SPOCK3: variants seen among roughly 807,000 people sequenced by gnomAD.
SPOCK3 encodes SPARC (osteonectin), cwcv and kazal like domains proteoglycan 3.
Under a neutral mutation model 56.6 loss-of-function variants are expected in SPOCK3, and 30 were observed. The ratio of observed to expected loss-of-function variants is 0.53; its 90% CI spans 0.40 to 0.72. The LOEUF is 0.72. Among genes scored for constraint, SPOCK3 ranks in the 30% least tolerant of loss-of-function variants. SPOCK3 has a pLI of 0.00. For synonymous variants in SPOCK3, 196 were observed against 183.3 expected (o/e 1.07, Z -0.56); for missense variants, 527 against 530.0 (o/e 0.99, Z 0.06).
At chr4:166,808,951 C>A (rs1743476525) in intron 6 of SPOCK3, among the ~76,000 whole-genome samples, 1 of 151,902 alleles carries the variant, frequency 6.6e-6, no homozygotes, top group African/African-American at 2.4e-5. Flanking sequence ...AGACTGATTT[C>A]AATGATCTTT....
chr4:167,131,494 T>C (rs752729841), intron 2 of SPOCK3, among the ~76,000 whole-genome samples: 7 of 152,050 alleles, frequency 4.6e-5, no homozygotes, highest in Non-Finnish European at 2.9e-5. Flanking sequence ...TCCCAGCTAC[T>C]TGGGAGGCTG....
At chr4:166,989,398 T>C (rs1425075529) in intron 4 of SPOCK3, among the ~76,000 whole-genome samples, 2 of 152,108 alleles carry the variant, frequency 1.3e-5, no homozygotes, top group East Asian at 1.9e-4. Context: ...ATATTCTGTT[T>C]TATATAAGCC....
At chr4:166,762,579 T>C (rs933495840) in intron 7 of SPOCK3, among the ~76,000 whole-genome samples, 40 of 152,202 alleles carry the variant, frequency 2.6e-4, no homozygotes, top group African/African-American at 8.9e-4. Flanking sequence ...GTTTGGAGGA[T>C]GCAGAAGTAG....
chr4:166,874,188 T>C (rs1482042132), intron 6 of SPOCK3, among the ~76,000 whole-genome samples: 1 of 152,088 alleles, frequency 6.6e-6, no homozygotes, highest in African/African-American at 2.4e-5. Context: ...TTACCTAAGC[T>C]TGGCGTTCCT....
intron 2 of SPOCK3, among the ~76,000 whole-genome samples, chr4:167,117,631 C>T (rs1761539830): frequency 6.6e-6 from 1 of 152,086 alleles, no homozygotes; most frequent in South Asian, 2.1e-4. Flanking sequence ...AAACAGCAAG[C>T]AACTGAGGTC....
chr4:167,095,941 G>A (rs1031747714), intron 2 of SPOCK3, among the ~76,000 whole-genome samples: 5 of 151,724 alleles, frequency 3.3e-5, no homozygotes, highest in Non-Finnish European at 7.4e-5. Flanking sequence ...ATATACAAAT[G>A]TTACTGGCTT....
chr4:167,002,967 A>G (rs959547876), intron 3 of SPOCK3, among the ~76,000 whole-genome samples: 1 of 152,136 alleles, frequency 6.6e-6, no homozygotes, highest in African/African-American at 2.4e-5. Context: ...AGTATATTTA[A>G]TCTTGGACTT....
At chr4:166,823,159 C>T (rs1376866917) in intron 6 of SPOCK3, among the ~76,000 whole-genome samples, 1 of 151,964 alleles carries the variant, frequency 6.6e-6, no homozygotes, top group East Asian at 1.9e-4. Flanking sequence ...AAAATATAAA[C>T]ATTTCATTTT....
intron 2 of SPOCK3, among the ~76,000 whole-genome samples, chr4:167,225,807 G>A (rs71620434): frequency 0.027 from 4,122 of 152,122 alleles, 100 homozygotes; most frequent in Middle Eastern, 0.068. Flanking sequence ...AAGCCTGTAT[G>A]GGAATTCTGG....
At chr4:166,791,813 G>A (rs905714460) in intron 7 of SPOCK3, among the ~76,000 whole-genome samples, 1 of 152,122 alleles carries the variant, frequency 6.6e-6, no homozygotes, top group Non-Finnish European at 1.5e-5. Flanking sequence ...CCATACGGGG[G>A]AGTTCTGTTG....
intron 2 of SPOCK3, among the ~76,000 whole-genome samples, chr4:167,126,119 G>A (rs920266987): frequency 6.6e-6 from 1 of 152,164 alleles, no homozygotes; most frequent in African/African-American, 2.4e-5. Flanking sequence ...AGTGAAAATT[G>A]TTATTGGATT....
intron 2 of SPOCK3, among the ~76,000 whole-genome samples, chr4:167,161,873 C>T (rs533190629): frequency 7.1e-4 from 89 of 124,682 alleles, no homozygotes; most frequent in Non-Finnish European, 1.1e-3. Context: ...GGGAACATCA[C>T]ACACGGGGGA....
chr4:167,215,703 T>C (rs1283838408), intron 2 of SPOCK3, among the ~76,000 whole-genome samples: 1 of 152,108 alleles, frequency 6.6e-6, no homozygotes, highest in East Asian at 1.9e-4. Context: ...GAATAGGAAA[T>C]GTGGATGTTG....
intron 4 of SPOCK3, among the ~76,000 whole-genome samples, chr4:166,938,102 A>G (rs2150010177): frequency 6.6e-6 from 1 of 152,010 alleles, no homozygotes; most frequent in Middle Eastern, 3.4e-3. Context: ...ATGAGTTTGT[A>G]TTTTTAAGCA....
chr4:166,892,096 A>C (rs1451433847), intron 5 of SPOCK3, among the ~76,000 whole-genome samples: 3 of 152,052 alleles, frequency 2.0e-5, no homozygotes, highest in African/African-American at 7.2e-5. Flanking sequence ...TTGATGATTC[A>C]TTTTTTATAT....
chr4:167,000,199 G>A (rs1748804747), intron 4 of SPOCK3, 150 bp downstream of exon 4: 1 of 436,132 alleles, frequency 2.3e-6, no homozygotes, highest in Non-Finnish European at 4.1e-6. Context: ...TAACCCAAGT[G>A]AATCATAATT....
At chr4:166,996,784 C>A (rs1324749452) in intron 4 of SPOCK3, among the ~76,000 whole-genome samples, 1 of 152,096 alleles carries the variant, frequency 6.6e-6, no homozygotes, top group Non-Finnish European at 1.5e-5. Flanking sequence ...TTTACACCGG[C>A]AGTGGTGGTC....
At chr4:166,930,546 T>C (rs1022477548) in intron 4 of SPOCK3, among the ~76,000 whole-genome samples, 9 of 151,686 alleles carry the variant, frequency 5.9e-5, no homozygotes, top group Admixed American at 3.9e-4. Context: ...ATAATTCTGC[T>C]GGCACCATAA....
intron 4 of SPOCK3, among the ~76,000 whole-genome samples, chr4:166,928,340 A>G (rs1415728801): frequency 2.6e-5 from 4 of 152,228 alleles, no homozygotes. Context: ...GTCCTTCAGT[A>G]AGTGATTGAA....
Sources: gnomAD v4.1 joint callset for allele counts (sites outside exome capture counted in the v4.1 genomes callset) on GRCh38, gnomAD v4.1.1 for gene constraint, MANE v1.5 for transcripts, NCBI Gene and HGNC (gene_info 2026-07-23, HGNC 2026-07-21) for gene names.